The following PIEZO2 variants were observed in gnomAD, a reference collection of about 807,000 sequenced individuals.
The protein encoded by PIEZO2 is piezo-type mechanosensitive ion channel component 2.
In PIEZO2, 172 loss-of-function variants were observed where a neutral mutation model predicts 337.3. That is an observed-to-expected ratio of 0.51 (90% confidence interval 0.45 to 0.58). PIEZO2 has a LOEUF of 0.58. PIEZO2 is among the 20% of genes least tolerant of loss of function. The probability of loss-of-function intolerance (pLI) is 0.00; values close to 1 mark genes in which losing one functional copy is unlikely to be tolerated. For missense variants in PIEZO2, 3,028 were observed against 3,391.3 expected (o/e 0.89, Z 2.66); for synonymous variants, 1,251 against 1,228.5 (o/e 1.02, Z -0.38).
At chr18:10,744,456 GC>G (rs774190980) in intron 30 of PIEZO2, among the ~76,000 whole-genome samples, 45 of 152,230 alleles carry the variant, frequency 3.0e-4, no homozygotes, top group Non-Finnish European at 5.6e-4. Flanking sequence ...CTGCTCACAA[GC>G]CCAGTAGTGA....
chr18:10,752,604 C>T lies in PIEZO2; in HGVS notation c.4167+32G>A, dbSNP rs778958258. On this transcript the variant is annotated intron_variant, in intron 28 of 55. Transcript: ENST00000674853. ...GGACTGTTTACTCTTACACGAAAAC[C>T]GCAAATGTGTTATGCAGTGGCAACC... 24 of 1,532,822 alleles carry T rather than the reference C, an allele frequency of 1.6e-5. No homozygotes were observed. In the Middle Eastern group the frequency reaches 5.0e-4, roughly 32 times the overall value. 95.0% of individuals were successfully genotyped at this position (1,532,822 alleles called of 1,614,324 possible).
intron 42 of PIEZO2, among the ~76,000 whole-genome samples, chr18:10,703,974 A>ACC (rs746752940): frequency 6.6e-6 from 1 of 152,130 alleles, no homozygotes; most frequent in African/African-American, 2.4e-5. Flanking sequence ...CATTCACTGA[A>ACC]CCCCCGGTGG....
intron 2 of PIEZO2, among the ~76,000 whole-genome samples, chr18:11,046,741 C>T (rs1276786946): frequency 1.3e-5 from 2 of 152,190 alleles, no homozygotes; most frequent in East Asian, 3.9e-4. Flanking sequence ...CCATTTAGTT[C>T]TGCACGGAAT....
intron 1 of PIEZO2, among the ~76,000 whole-genome samples, chr18:11,106,646 C>G (rs952623784): frequency 3.9e-5 from 6 of 152,028 alleles, no homozygotes; most frequent in African/African-American, 1.2e-4. Flanking sequence ...ACTCTGCGCT[C>G]AAGTGATCTT....
rs2038248733 is a variant in PIEZO2 at position 11,069,027 on chromosome 18, T to C, written c.65-2805A>G. ...AAAGTAAGGAGATTGGAATCGGTGA[T>C]AAAAAGTCTCCCCTCAAAAATAAAT... On this transcript the variant is annotated intron_variant, in intron 1 of 55. Coordinates refer to ENST00000674853, the MANE Select transcript of PIEZO2 (RefSeq NM_001378183.1). This position sits in a 1 kb window ranked among gnomAD's most constrained non-coding sequence, Gnocchi z 4.9. Among the ~76,000 whole-genome samples the C allele has an allele frequency of 1.3e-5, 2 of 151,804 alleles. No homozygotes were observed. Among genetic ancestry groups the C allele is most frequent in the African/African-American group, 2.4e-5 (1 of 41,212 alleles).
chr18:11,103,808 TGC>T (rs1555714120), intron 1 of PIEZO2, among the ~76,000 whole-genome samples: 10 of 134,112 alleles, frequency 7.5e-5, no homozygotes, highest in Non-Finnish European at 1.3e-4. Context: ...TGTGTGTGTG[TGC>T]GTGTGTGCGT....
chr18:10,772,304 T>C (rs1414049415), intron 20 of PIEZO2, among the ~76,000 whole-genome samples: 1 of 152,198 alleles, frequency 6.6e-6, no homozygotes, highest in Non-Finnish European at 1.5e-5. Context: ...TAAATGAGCA[T>C]GATTTAGACG....
intron 1 of PIEZO2, among the ~76,000 whole-genome samples, chr18:11,106,954 C>G (rs1000725330): frequency 1.3e-5 from 2 of 152,166 alleles, no homozygotes; most frequent in Admixed American, 6.5e-5. Context: ...CTTCCCTAAG[C>G]CCTGGGCAGA....
At chr18:10,728,934 G>C (rs1437644933) in intron 36 of PIEZO2, among the ~76,000 whole-genome samples, 1 of 129,508 alleles carries the variant, frequency 7.7e-6, no homozygotes, top group South Asian at 2.5e-4. Context: ...CAGCCTGGGC[G>C]ACAGAGCAAG....
intron 16 of PIEZO2, among the ~76,000 whole-genome samples, chr18:10,786,572 C>T (rs564975203): frequency 4.6e-5 from 7 of 152,354 alleles, no homozygotes; most frequent in African/African-American, 1.4e-4. Context: ...CTATCTCCCA[C>T]ATGCACAGGA....
rs1247737864 is a variant in PIEZO2 at position 11,143,106 on chromosome 18, G to T, written c.64+5419C>A. On this transcript the variant is annotated intron_variant, in intron 1 of 55. Transcript: ENST00000674853. This position sits in a 1 kb window ranked among gnomAD's most constrained non-coding sequence, Gnocchi z 4.9. ...AAAAAAGAAAAAAGAAAAAGAAAAAGTTTTCCAATATTTTTGTTTTTAGCC... is the reference window on the plus strand; with the variant it reads ...AAAAAAGAAAAAAGAAAAAGAAAAATTTTTCCAATATTTTTGTTTTTAGCC... 6.6e-6 allele frequency among the ~76,000 whole-genome samples: 1 copy of T among 152,056 alleles called. No homozygotes were observed. The highest frequency in any genetic ancestry group is 2.4e-5 in the African/African-American group (1 of 41,432).
intron 2 of PIEZO2, among the ~76,000 whole-genome samples, chr18:11,018,418 T>TGTGTGC (rs1480851739): frequency 6.6e-6 from 1 of 150,944 alleles, no homozygotes; most frequent in African/African-American, 2.4e-5. Flanking sequence ...TGTGTGTGTG[T>TGTGTGC]GTGTGTGTGT....
At chr18:10,916,116 T>C (rs751895873) in intron 3 of PIEZO2, among the ~76,000 whole-genome samples, 1 of 152,136 alleles carries the variant, frequency 6.6e-6, no homozygotes, top group Admixed American at 6.5e-5. Flanking sequence ...GAGCACTGAT[T>C]GGTGCGTTTA....
At chr18:10,928,171 A>G (rs2031863458) in intron 3 of PIEZO2, among the ~76,000 whole-genome samples, 1 of 152,178 alleles carries the variant, frequency 6.6e-6, no homozygotes, top group Admixed American at 6.5e-5. Context: ...ATCAGTTTCC[A>G]TATTACAGTA....
At chr18:11,023,815 C>T (rs113190130) in intron 2 of PIEZO2, among the ~76,000 whole-genome samples, 39 of 152,338 alleles carry the variant, frequency 2.6e-4, no homozygotes, top group African/African-American at 8.7e-4. Flanking sequence ...TAAGGCCCGG[C>T]GAGAATTCGA....
At chr18:11,029,198 A>G (rs1396584163) in intron 2 of PIEZO2, among the ~76,000 whole-genome samples, 3 of 152,156 alleles carry the variant, frequency 2.0e-5, no homozygotes, top group Non-Finnish European at 4.4e-5. Context: ...CAACGCAAAC[A>G]CAACCTGTCC....
chr18:10,718,971 C>G (rs1243340552), intron 36 of PIEZO2, among the ~76,000 whole-genome samples: 1 of 148,978 alleles, frequency 6.7e-6, no homozygotes, highest in Non-Finnish European at 1.5e-5. Context: ...AGAGTGAGAC[C>G]TTGTCTAAAA....
At position 10,769,184 on chromosome 18, in the gene PIEZO2, A is replaced by G. The variant is rs114513595; in HGVS notation, c.2946+964T>C. On this transcript the variant is annotated intron_variant, in intron 21 of 55. Coordinates refer to ENST00000674853, the MANE Select transcript of PIEZO2 (RefSeq NM_001378183.1). ...ATGCTTAAATGTTGGCTCTCAATGAATATAAATACTAGGCTAGATTTGGGC... is the reference window on the plus strand; with the variant it reads ...ATGCTTAAATGTTGGCTCTCAATGAGTATAAATACTAGGCTAGATTTGGGC... Among the ~76,000 whole-genome samples, 1,023 of 152,362 alleles carry G rather than the reference A, an allele frequency of 6.7e-3. 9 individuals are homozygous for G. The highest frequency in any genetic ancestry group is 0.024 in the African/African-American group (987 of 41,584).
At position 10,931,341 on chromosome 18, in the gene PIEZO2, A is replaced by T. The variant is rs191823959; in HGVS notation, c.287-20113T>A. Among the ~76,000 whole-genome samples, 23 of 152,232 alleles carry T rather than the reference A, an allele frequency of 1.5e-4. 1 individual carries two copies. Among genetic ancestry groups the T allele is most frequent in the African/African-American group, 5.5e-4 (23 of 41,534 alleles). ...CAGCCTCCCAAGTAGCTGGGACTAC[A>T]GGCGCCTGCCACCACGCCCAGCTAA... On this transcript the variant is annotated intron_variant, in intron 3 of 55. Coordinates refer to ENST00000674853, the MANE Select transcript of PIEZO2 (RefSeq NM_001378183.1).
Sources: gnomAD v4.1 joint callset for allele counts (sites outside exome capture counted in the v4.1 genomes callset) on GRCh38, gnomAD v4.1.1 for gene constraint, Gnocchi (gnomAD v3.1) non-coding constraint, MANE v1.5 for transcripts, NCBI Gene and HGNC (gene_info 2026-07-23, HGNC 2026-07-21) for gene names.